The following SLC14A2 variants were observed in gnomAD, a reference collection of about 807,000 sequenced individuals.
SLC14A2 encodes the protein urea transporter 2.
In SLC14A2, 91 loss-of-function variants were observed where a neutral mutation model predicts 104.6. The ratio of observed to expected loss-of-function variants is 0.87; its 90% CI spans 0.73 to 1.04. SLC14A2 has a LOEUF of 1.04. Ranked by LOEUF, SLC14A2 falls within the 50% of genes least tolerant of loss-of-function variation. SLC14A2 has a pLI of 0.00. For missense variants in SLC14A2, 1,189 were observed against 1,156.0 expected (o/e 1.03, Z -0.41); for synonymous variants, 476 against 466.4 (o/e 1.02, Z -0.27).
chr18:45,396,637 T>G (rs553582835), intron 1 of SLC14A2, among the ~76,000 whole-genome samples: 92 of 151,734 alleles, frequency 6.1e-4, no homozygotes, highest in Non-Finnish European at 1.1e-3. Flanking sequence ...GTTTTTGTTT[T>G]TTTTCTTTTT....
chr18:45,493,579 G>A (rs1432274589), intron 2 of SLC14A2, among the ~76,000 whole-genome samples: 5 of 152,174 alleles, frequency 3.3e-5, no homozygotes, highest in Admixed American at 3.3e-4. Flanking sequence ...AGGTAGTCAA[G>A]GAAAGAGCCA....
At chr18:45,509,747 C>T (rs972858877) in intron 2 of SLC14A2, among the ~76,000 whole-genome samples, 20 of 152,184 alleles carry the variant, frequency 1.3e-4, no homozygotes, top group African/African-American at 4.8e-4. Flanking sequence ...GTTCCAGGGG[C>T]CAAAGCCCTT....
chr18:45,579,597 A>C (rs2044460637), intron 2 of SLC14A2, among the ~76,000 whole-genome samples: 2 of 152,246 alleles, frequency 1.3e-5, no homozygotes, highest in Admixed American at 6.5e-5. Context: ...TGTTAATGTC[A>C]TGCCTTTCTA....
intron 16 of SLC14A2, among the ~76,000 whole-genome samples, chr18:45,672,351 A>T (rs2046154209): frequency 6.6e-6 from 1 of 152,106 alleles, no homozygotes; most frequent in Non-Finnish European, 1.5e-5. Flanking sequence ...TCAACATGGA[A>T]AAACCTCATC....
chr18:45,221,742 C>G (rs1055067748), intron 1 of SLC14A2, among the ~76,000 whole-genome samples: 3 of 152,006 alleles, frequency 2.0e-5, no homozygotes, highest in African/African-American at 7.3e-5. Context: ...AGAAAACATG[C>G]AAAGGGTTTT....
rs768388252 is a variant in SLC14A2 at position 45,632,507 on chromosome 18, G to A, written c.650+29G>A. 19 of 1,609,284 alleles carry A rather than the reference G, an allele frequency of 1.2e-5. No homozygotes were observed. In the South Asian group the frequency reaches 2.1e-4, roughly 18 times the overall value. On this transcript the variant is annotated intron_variant, in intron 5 of 19. Coordinates refer to ENST00000255226, the MANE Select transcript of SLC14A2 (RefSeq NM_007163.4). The stretch of plus-strand genomic sequence containing the variant: ...AGGCACCTCATTTTTTCTGCTCACA[G>A]CTCCATGGGGCCCCCAAGACACTTG...
chr18:45,319,123 C>T (rs553683869), intron 1 of SLC14A2, among the ~76,000 whole-genome samples: 3 of 152,288 alleles, frequency 2.0e-5, no homozygotes, highest in African/African-American at 7.2e-5. Context: ...TGACCCTCAC[C>T]TCCAGTTTCT....
the SLC14A2 span, among the ~76,000 whole-genome samples, chr18:45,204,180 C>T: frequency 6.6e-6 from 1 of 152,138 alleles, no homozygotes; most frequent in Non-Finnish European, 1.5e-5. Context: ...TAAGAGGAAT[C>T]CCCCAAGAGT....
chr18:45,602,886 C>T (rs2044812919), intron 2 of SLC14A2, among the ~76,000 whole-genome samples: 1 of 152,226 alleles, frequency 6.6e-6, no homozygotes, highest in Non-Finnish European at 1.5e-5. Flanking sequence ...GTCAGCACAA[C>T]CAGCCAAGTC....
chr18:45,273,097 C>T (rs148349968), intron 1 of SLC14A2, among the ~76,000 whole-genome samples: 24 of 152,182 alleles, frequency 1.6e-4, no homozygotes, highest in Admixed American at 7.2e-4. Flanking sequence ...GAGTTTCAAG[C>T]TCAGATGGAT....
chr18:45,540,744 C>T (rs935126688), intron 2 of SLC14A2, among the ~76,000 whole-genome samples: 1 of 152,030 alleles, frequency 6.6e-6, no homozygotes, highest in Non-Finnish European at 1.5e-5. Flanking sequence ...GACTTCATCT[C>T]AAATTAATAA....
chr18:45,302,722 A>G (rs2144194721), intron 1 of SLC14A2, among the ~76,000 whole-genome samples: 1 of 152,366 alleles, frequency 6.6e-6, no homozygotes, highest in South Asian at 2.1e-4. Flanking sequence ...GGTGTACAGC[A>G]ATGCACTATG....
rs551430435 is a variant in SLC14A2 at position 45,454,111 on chromosome 18, G to T, written c.-124-29122G>T. On this transcript the variant is annotated intron_variant, in intron 1 of 20. Coordinates refer to the SLC14A2 transcript ENST00000586448. ...CAGACTTCATGATCCACCCACCTCG[G>T]CCTCCCATAGTGCTGGGATTACAGG... 2.0e-5 allele frequency among the ~76,000 whole-genome samples: 3 copies of T among 152,106 alleles called. No homozygotes were observed. In the South Asian group the frequency reaches 6.2e-4, roughly 32 times the overall value.
At chr18:45,668,609 T>C in intron 15 of SLC14A2, 132 bp downstream of exon 15, 4 of 1,016,846 alleles carry the variant, frequency 3.9e-6, no homozygotes, top group East Asian at 2.5e-5. Context: ...AAATGTCCAC[T>C]GGACTAATAA....
rs1315219165 is a variant in SLC14A2 at position 45,236,533 on chromosome 18, ATATATACATGTATGTGTGTATATATGTG to A, written c.-125+23349_-125+23376del. 8.0e-5 allele frequency among the ~76,000 whole-genome samples: 10 copies of A among 124,334 alleles called. 2 individuals carry two copies. Among genetic ancestry groups the A allele is most frequent in the African/African-American group, 1.7e-4 (5 of 29,358 alleles). 81.6% of individuals were successfully genotyped at this position (124,334 alleles called of 152,430 possible). A position where few individuals can be genotyped will look rare whatever the true frequency, so the allele number is the denominator to read the frequency against. On this transcript the variant is annotated intron_variant, in intron 1 of 20. Transcript: ENST00000586448. ...TGTGTGTATATATGTGTATATATGT[ATATATACATGTATGTGTGTATATATGTG>A]TATATATGTATATATACATATATAT...
intron 1 of SLC14A2, among the ~76,000 whole-genome samples, chr18:45,283,626 G>A (rs1231410496): frequency 6.6e-6 from 1 of 152,232 alleles, no homozygotes; most frequent in East Asian, 1.9e-4. Flanking sequence ...ACATAGCACT[G>A]TTTTTCTCAG....
At chr18:45,545,920 A>AAT (rs1480662014) in intron 2 of SLC14A2, among the ~76,000 whole-genome samples, 3 of 152,236 alleles carry the variant, frequency 2.0e-5, no homozygotes, top group Non-Finnish European at 4.4e-5. Context: ...GTTAGGACAT[A>AAT]AGTATTCCTC....
chr18:45,311,526 G>A (rs184165814), intron 1 of SLC14A2, among the ~76,000 whole-genome samples: 59 of 152,256 alleles, frequency 3.9e-4, no homozygotes, highest in African/African-American at 7.9e-4. Flanking sequence ...ACTCTACTCC[G>A]CAACTATAAG....
chr18:45,295,291 AT>A (rs1286831520), intron 1 of SLC14A2, among the ~76,000 whole-genome samples: 9 of 148,780 alleles, frequency 6.0e-5, no homozygotes, highest in Non-Finnish European at 1.0e-4. Context: ...ATTAATATAC[AT>A]TTTTAAAGCA....
Sources: gnomAD v4.1 joint callset for allele counts (sites outside exome capture counted in the v4.1 genomes callset) on GRCh38, gnomAD v4.1.1 for gene constraint, MANE v1.5 for transcripts, NCBI Gene and HGNC (gene_info 2026-07-23, HGNC 2026-07-21) for gene names.